The following EPM2A variants were observed in gnomAD, a reference collection of about 807,000 sequenced individuals.
EPM2A encodes EPM2A glucan phosphatase, laforin.
A neutral mutation model predicts 26.5 loss-of-function variants in EPM2A; 21 were observed. The ratio of observed to expected loss-of-function variants is 0.79; its 90% CI spans 0.56 to 1.14. The LOEUF (loss-of-function observed/expected upper bound fraction) is 1.14, where lower values mean the gene tolerates loss of function less well. EPM2A is among the 50% of genes most tolerant of loss of function. EPM2A has a pLI of 0.00. For synonymous variants in EPM2A, 217 were observed against 177.6 expected (o/e 1.22, Z -1.76); for missense variants, 458 against 440.8 (o/e 1.04, Z -0.35).
intron 4 of EPM2A, among the ~76,000 whole-genome samples, chr6:145,404,293 C>T (rs536933524): frequency 6.6e-6 from 1 of 152,100 alleles, no homozygotes; most frequent in African/African-American, 2.4e-5. Flanking sequence ...TTTAAACACC[C>T]AAGTTTTTTA....
At chr6:145,627,805 G>A in intron 3 of EPM2A, 112 bp from the exon 4 acceptor site, 1 of 1,451,038 alleles carries the variant, frequency 6.9e-7, no homozygotes, top group South Asian at 1.3e-5. Flanking sequence ...GCCAGGCAGG[G>A]ATACGAGAGT....
chr6:145,454,269 T>C (rs1423415773), intron 4 of EPM2A, among the ~76,000 whole-genome samples: 1 of 152,194 alleles, frequency 6.6e-6, no homozygotes, highest in East Asian at 1.9e-4. Context: ...TTAAAATGTG[T>C]ATAACATCAT....
At chr6:145,450,264 A>G (rs893067831) in intron 4 of EPM2A, among the ~76,000 whole-genome samples, 1 of 150,878 alleles carries the variant, frequency 6.6e-6, no homozygotes, top group Non-Finnish European at 1.5e-5. Context: ...GAGGCAGGAG[A>G]ATGACATGAA....
intron 2 of EPM2A, among the ~76,000 whole-genome samples, chr6:145,575,889 C>T (rs964804041): frequency 6.6e-6 from 1 of 152,200 alleles, no homozygotes; most frequent in Non-Finnish European, 1.5e-5. Flanking sequence ...TTGGTACCAA[C>T]ATCTATAGTA....
At chr6:145,490,110 T>C in intron 4 of EPM2A, 1 of 1,191,352 alleles carries the variant, frequency 8.4e-7, no homozygotes, top group Non-Finnish European at 1.2e-6. Flanking sequence ...TGTTATATAA[T>C]AGTCATTGAT....
intron 2 of EPM2A, among the ~76,000 whole-genome samples, chr6:145,673,213 A>G (rs1779777636): frequency 6.6e-6 from 1 of 152,220 alleles, no homozygotes; most frequent in Admixed American, 6.5e-5. Context: ...AAAAACTCAA[A>G]CTTATTTTCC....
At chr6:145,413,370 T>A (rs886209446) in intron 4 of EPM2A, among the ~76,000 whole-genome samples, 3 of 152,174 alleles carry the variant, frequency 2.0e-5, no homozygotes, top group African/African-American at 7.2e-5. Context: ...GATGAAGACT[T>A]GAAGTTTTGT....
At chr6:145,734,969 A>G in intron 1 of EPM2A, 1 of 312,386 alleles carries the variant, frequency 3.2e-6, no homozygotes, top group Non-Finnish European at 5.8e-6. Context: ...CGGGAGCGCT[A>G]TACGGGTCTA....
chr6:145,423,865 A>C (rs1562329068), intron 4 of EPM2A, among the ~76,000 whole-genome samples: 1 of 152,220 alleles, frequency 6.6e-6, no homozygotes, highest in Non-Finnish European at 1.5e-5. Flanking sequence ...TTCCAGGAAG[A>C]TTCAGGCATT....
intron 4 of EPM2A, among the ~76,000 whole-genome samples, chr6:145,423,496 C>G (rs1393609712): frequency 2.6e-5 from 4 of 152,118 alleles, no homozygotes; most frequent in East Asian, 3.9e-4. Context: ...AGCCTGTTCC[C>G]CCTGGCCACA....
intron 2 of EPM2A, among the ~76,000 whole-genome samples, chr6:145,544,392 A>G (rs537115180): frequency 5.3e-5 from 8 of 152,328 alleles, no homozygotes; most frequent in African/African-American, 4.8e-5. Flanking sequence ...AATAAAAACC[A>G]TGCTGCTCTC....
At chr6:145,514,781 G>A (rs401561) in intron 2 of EPM2A, among the ~76,000 whole-genome samples, 2 of 151,914 alleles carry the variant, frequency 1.3e-5, no homozygotes, top group African/African-American at 2.4e-5. Flanking sequence ...TCTCCACAAA[G>A]AATAATTTGC....
chr6:145,606,198 C>T (rs1775253765), intron 2 of EPM2A, among the ~76,000 whole-genome samples: 2 of 152,104 alleles, frequency 1.3e-5, no homozygotes, highest in South Asian at 2.1e-4. Context: ...CTTGTATTCC[C>T]TATTCAGCTA....
intron 4 of EPM2A, among the ~76,000 whole-genome samples, chr6:145,427,277 G>A (rs1778864695): frequency 6.6e-6 from 1 of 152,192 alleles, no homozygotes; most frequent in Admixed American, 6.5e-5. Context: ...TCTGTGGGGA[G>A]GGAAGATAGC....
At chr6:145,644,412 A>G (rs937153668) in intron 2 of EPM2A, among the ~76,000 whole-genome samples, 1 of 152,168 alleles carries the variant, frequency 6.6e-6, no homozygotes, top group African/African-American at 2.4e-5. Context: ...ACCTCCTGAT[A>G]GAAGCCTAAA....
chr6:145,438,015 G>T (rs1467345451), intron 4 of EPM2A, among the ~76,000 whole-genome samples: 1 of 152,196 alleles, frequency 6.6e-6, no homozygotes, highest in African/African-American at 2.4e-5. Flanking sequence ...TGGCAGGTTT[G>T]CTTCATGAGG....
At chr6:145,561,908 G>A (rs192487678) in intron 2 of EPM2A, among the ~76,000 whole-genome samples, 1 of 152,170 alleles carries the variant, frequency 6.6e-6, no homozygotes, top group Non-Finnish European at 1.5e-5. Context: ...GGTGGGTGGA[G>A]GGCAAGAGGA....
At chr6:145,455,515 A>G (rs549302754) in intron 4 of EPM2A, among the ~76,000 whole-genome samples, 1 of 152,012 alleles carries the variant, frequency 6.6e-6, no homozygotes, top group Admixed American at 6.5e-5. Context: ...CCACCACCAC[A>G]CCCAGCTAAT....
chr6:145,474,217 T>A (rs1041688225), intron 4 of EPM2A, among the ~76,000 whole-genome samples: 3 of 152,108 alleles, frequency 2.0e-5, no homozygotes, highest in African/African-American at 7.2e-5. Flanking sequence ...ATCCCAGCAC[T>A]TTGGGAAGCC....
Sources: gnomAD v4.1 joint callset for allele counts (sites outside exome capture counted in the v4.1 genomes callset) on GRCh38, gnomAD v4.1.1 for gene constraint, MANE v1.5 for transcripts, NCBI Gene and HGNC (gene_info 2026-07-23, HGNC 2026-07-21) for gene names.